The following GRIA2 variants were observed in gnomAD, a reference collection of about 807,000 sequenced individuals.
GRIA2 encodes glutamate receptor 2.
In GRIA2, 14 loss-of-function variants were observed where a neutral mutation model predicts 97.3. That is an observed-to-expected ratio of 0.14 (90% CI 0.10 to 0.23). GRIA2 has a LOEUF of 0.23. Among genes scored for constraint, GRIA2 ranks in the 10% least tolerant of loss-of-function variants. The pLI is 1.00. For missense variants in GRIA2, 558 were observed against 1,069.8 expected (o/e 0.52, Z 6.67); for synonymous variants, 412 against 387.8 (o/e 1.06, Z -0.73).
chr4:157,351,531 T>C (rs1284278914), intron 12 of GRIA2, among the ~76,000 whole-genome samples: 2 of 151,996 alleles, frequency 1.3e-5, no homozygotes, highest in Non-Finnish European at 2.9e-5. Flanking sequence ...AAAGTCATTG[T>C]TTTTTAAGCA....
chr4:157,273,908 T>TA (rs1452244890), intron 2 of GRIA2, among the ~76,000 whole-genome samples: 12 of 152,032 alleles, frequency 7.9e-5, no homozygotes, highest in African/African-American at 2.9e-4. Flanking sequence ...TAAAACCCCA[T>TA]ACCTATCTAC....
intron 12 of GRIA2, among the ~76,000 whole-genome samples, chr4:157,354,599 A>G (rs1181543417): frequency 2.6e-5 from 4 of 152,128 alleles, no homozygotes; most frequent in African/African-American, 7.2e-5. Flanking sequence ...TGTAGGCATC[A>G]TTTTTCTCCT....
chr4:157,338,435 A>T (rs1227034375), intron 11 of GRIA2, among the ~76,000 whole-genome samples: 1 of 151,952 alleles, frequency 6.6e-6, no homozygotes, highest in African/African-American at 2.4e-5. Context: ...TTGTTTAGGT[A>T]TCCAGTGTTT....
chr4:157,301,200 A>G (rs1733600134), intron 2 of GRIA2, among the ~76,000 whole-genome samples: 1 of 152,194 alleles, frequency 6.6e-6, no homozygotes, highest in Non-Finnish European at 1.5e-5. Flanking sequence ...TTTAAGATAT[A>G]CCTGTCAGTA....
At chr4:157,300,814 G>A (rs1232443549) in intron 2 of GRIA2, among the ~76,000 whole-genome samples, 1 of 152,144 alleles carries the variant, frequency 6.6e-6, no homozygotes, top group Non-Finnish European at 1.5e-5. Context: ...GCTTGTGCCT[G>A]TTGTTGGGTC....
At chr4:157,325,929 A>G (rs967163097) in intron 6 of GRIA2, among the ~76,000 whole-genome samples, 8 of 152,070 alleles carry the variant, frequency 5.3e-5, no homozygotes, top group Non-Finnish European at 1.5e-5. Context: ...TTTAGAGTAT[A>G]AATAGATTAT....
rs1398574450 is a variant in GRIA2, at chr4:157,341,475, G to A, written c.2043+13G>A. 4.5e-6 allele frequency: 7 copies of A among 1,544,242 alleles called. 1 individual carries two copies. The highest frequency in any genetic ancestry group is 2.2e-5 in the South Asian group (2 of 89,682). Reference sequence around the variant, plus strand: ...AGAGTTTTTCAGGGTAAGAGATTCTGCTTTGTAGTTTCTGATTTTGTTCCT... The same window carrying A: ...AGAGTTTTTCAGGGTAAGAGATTCTACTTTGTAGTTTCTGATTTTGTTCCT... On this transcript the variant is annotated intron_variant, in intron 12 of 15. Transcript: ENST00000264426.
At chr4:157,329,064 T>C (rs974297814) in intron 6 of GRIA2, among the ~76,000 whole-genome samples, 13 of 152,092 alleles carry the variant, frequency 8.5e-5, no homozygotes, top group African/African-American at 2.2e-4. Context: ...CTCTTTTCCA[T>C]AGGGTAAACT....
intron 2 of GRIA2, among the ~76,000 whole-genome samples, chr4:157,223,591 GA>G (rs1354635571): frequency 6.6e-6 from 1 of 152,146 alleles, no homozygotes; most frequent in Non-Finnish European, 1.5e-5. Flanking sequence ...AATTTTTCCT[GA>G]ATTACAAGTT....
intron 2 of GRIA2, among the ~76,000 whole-genome samples, chr4:157,282,083 C>T (rs1454893957): frequency 1.3e-5 from 2 of 152,052 alleles, no homozygotes; most frequent in African/African-American, 4.8e-5. Flanking sequence ...TTTGCTGTGT[C>T]CAATAGCAGT....
Position 157,365,074 on chromosome 4 carries a change from G to A in GRIA2, c.*1643G>A, listed in dbSNP as rs1023292066. On this transcript the variant is annotated 3_prime_UTR_variant, in exon 16 of 16. Coordinates refer to ENST00000264426, the MANE Select transcript of GRIA2 (RefSeq NM_001083619.3). ...TAATATTTGTATTCTTGTTATTTCT[G>A]GAAGAAAGCCTTTGTGTAGCACTTG... The A allele has an allele frequency of 6.6e-6, 1 of 151,598 alleles. No homozygotes were observed. The highest frequency in any genetic ancestry group is 1.5e-5 in the Non-Finnish European group (1 of 67,648). The allele number at this position is 151,598 out of a possible 1,614,324, so 9.4% of individuals were successfully genotyped here. A position where few individuals can be genotyped will look rare whatever the true frequency, so the allele number is the denominator to read the frequency against.
At chr4:157,224,787 C>T (rs1349349171) in intron 2 of GRIA2, among the ~76,000 whole-genome samples, 1 of 152,042 alleles carries the variant, frequency 6.6e-6, no homozygotes, top group Non-Finnish European at 1.5e-5. Context: ...GTGATTCTTT[C>T]CTTTATAAAG....
At chr4:157,250,883 T>TA (rs2126741105) in intron 2 of GRIA2, among the ~76,000 whole-genome samples, 1 of 152,222 alleles carries the variant, frequency 6.6e-6, no homozygotes, top group Admixed American at 6.6e-5. Flanking sequence ...TTAGCACAGT[T>TA]ACTAGAAAGT....
rs1422086204 is a variant in GRIA2, at chr4:157,363,971, T to C, written c.*540T>C. ...TTTATAAAAAAAGGAAAAAAAACAT[T>C]TAAAACTAAAAAATATTTTTAGGTA... On this transcript the variant is annotated 3_prime_UTR_variant, in exon 16 of 16. Transcript: ENST00000264426. 6.3e-6 allele frequency: 1 copy of C among 158,090 alleles called. No homozygotes were observed. Among genetic ancestry groups the C allele is most frequent in the African/African-American group, 2.4e-5 (1 of 41,714 alleles). The allele number at this position is 158,090 out of a possible 1,614,324, so 9.8% of individuals were successfully genotyped here.
chr4:157,290,591 A>G (rs1247337788), intron 2 of GRIA2, among the ~76,000 whole-genome samples: 2 of 151,578 alleles, frequency 1.3e-5, no homozygotes, highest in African/African-American at 2.4e-5. Flanking sequence ...TCCAGCAGGC[A>G]TATTTTAGTT....
chr4:157,344,475 G>T (rs1335553792), intron 12 of GRIA2, among the ~76,000 whole-genome samples: 1 of 152,054 alleles, frequency 6.6e-6, no homozygotes, highest in African/African-American at 2.4e-5. Context: ...GCTAAAGCCA[G>T]GCTGAAAACA....
At chr4:157,254,617 T>A (rs754920492) in intron 2 of GRIA2, among the ~76,000 whole-genome samples, 7 of 152,040 alleles carry the variant, frequency 4.6e-5, no homozygotes, top group Admixed American at 3.3e-4. Flanking sequence ...AACTGTCAAA[T>A]TGATAATATT....
chr4:157,347,985 G>A (rs535374787), intron 12 of GRIA2, among the ~76,000 whole-genome samples: 62 of 152,060 alleles, frequency 4.1e-4, no homozygotes, highest in Non-Finnish European at 3.5e-4. Flanking sequence ...TTAGCTGAGC[G>A]TGACGGCACG....
chr4:157,256,927 T>A (rs998253478), intron 2 of GRIA2, among the ~76,000 whole-genome samples: 54 of 152,036 alleles, frequency 3.6e-4, no homozygotes, highest in African/African-American at 1.2e-3. Flanking sequence ...TGCAGTACCA[T>A]CATCTGTAAA....
Sources: gnomAD v4.1 joint callset for allele counts (sites outside exome capture counted in the v4.1 genomes callset) on GRCh38, gnomAD v4.1.1 for gene constraint, MANE v1.5 for transcripts, NCBI Gene and HGNC (gene_info 2026-07-23, HGNC 2026-07-21) for gene names.